Variants in PHKG1 observed in about 807,000 individuals in gnomAD.
PHKG1 encodes the protein phosphorylase b kinase gamma catalytic chain, skeletal muscle/heart isoform.
A neutral mutation model predicts 50.5 loss-of-function variants in PHKG1; 48 were observed. The ratio of observed to expected loss-of-function variants is 0.95; its 90% CI spans 0.75 to 1.21. PHKG1 has a LOEUF of 1.21. Among genes scored for constraint, PHKG1 ranks in the 50% most tolerant of loss-of-function variants. PHKG1 has a pLI of 0.00. For missense variants in PHKG1, 487 were observed against 519.5 expected (o/e 0.94, Z 0.61); for synonymous variants, 204 against 212.8 (o/e 0.96, Z 0.36).
rs777245675 is a variant in PHKG1 at position 56,082,152 on chromosome 7, G to A, written c.638+11C>T. 12 of 1,613,256 alleles carry A rather than the reference G, an allele frequency of 7.4e-6. No individual in the cohort carries two copies. The highest frequency in any genetic ancestry group is 1.3e-5 in the African/African-American group (1 of 75,008). ...CCTAGCTGGGTGCTCCTCCTTTCCC[G>A]GCGCACTCACATGTCCACCTCTTTC... On this transcript the variant is annotated intron_variant, in intron 7 of 9. Transcript: ENST00000297373.
chr7:56,088,355 T>TA (rs1028379142), intron 2 of PHKG1, among the ~76,000 whole-genome samples: 28 of 104,268 alleles, frequency 2.7e-4, no homozygotes, highest in Non-Finnish European at 5.1e-4. Flanking sequence ...CCCCCCTTTT[T>TA]AAAAAAAAAA....
In PHKG1 at chr7:56,081,745, A is replaced by G; in HGVS notation, c.803T>C (p.Phe268Ser). ...SDTVKDLVSRFLVVQPQNRYT... is the reference protein window; with the variant it reads ...SDTVKDLVSRSLVVQPQNRYT... ...GCGGTTCTGGGGTTGCACCACCAGG[A>G]ATCGGGAGACCTGTGAGAGGAGGAG... Residue 268 changes from phenylalanine to serine, a missense_variant, in exon 9 of 10, where the codon TTC becomes TCC. Physicochemically the swap from Phe to Ser is radical, Grantham distance 155. Coordinates refer to ENST00000297373, the MANE Select transcript of PHKG1 (RefSeq NM_006213.5). The surrounding 1 kb of genome is among the most constrained non-coding windows in gnomAD (Gnocchi z 4.6). 6.2e-7 allele frequency: 1 copy of G among 1,613,514 alleles called. No individual in the cohort carries two copies. The highest frequency in any genetic ancestry group is 8.5e-7 in the Non-Finnish European group (1 of 1,179,676).
At position 56,087,586 on chromosome 7, in the gene PHKG1, G is replaced by T; in HGVS notation, c.262+12C>A. 1 of 1,610,466 alleles carries T rather than the reference G, an allele frequency of 6.2e-7. No individual in the cohort carries two copies. On this transcript the variant is annotated intron_variant, in intron 3 of 9. Coordinates refer to ENST00000297373, the MANE Select transcript of PHKG1 (RefSeq NM_006213.5). Reference sequence around the variant, plus strand: ...GGGGCACCCTGCCGTGTGGCTTGGGGCCATCACTCACTGATGTTGGGGTGC... The same window carrying T: ...GGGGCACCCTGCCGTGTGGCTTGGGTCCATCACTCACTGATGTTGGGGTGC...
In PHKG1 at chr7:56,081,902, C is replaced by G. The variant is rs749618495; in HGVS notation, c.783G>C (p.Val261=). Reference sequence around the variant, plus strand: ...TGGCCTGGCCTCTCACCAGGTCCTTCACGGTGTCCGAGTAATCATCCCACT... The same window carrying G: ...TGGCCTGGCCTCTCACCAGGTCCTTGACGGTGTCCGAGTAATCATCCCACT... The part of the protein sequence containing the change: ...SPEWDDYSDT[V]KDLVSRFLVV... The change falls in exon 8 of 10, where the codon GTG becomes GTC. Residue 261 remains valine, a synonymous_variant. Coordinates refer to ENST00000297373, the MANE Select transcript of PHKG1 (RefSeq NM_006213.5). This position sits in a 1 kb window ranked among gnomAD's most constrained non-coding sequence, Gnocchi z 4.6. 1.4e-5 allele frequency: 23 copies of G among 1,613,378 alleles called. No homozygotes were observed. The African/African-American group carries it at 2.9e-4, about 21-fold the overall frequency.
At position 56,087,677 on chromosome 7, in the gene PHKG1, C is replaced by T. The variant is rs56278042; in HGVS notation, c.183G>A (p.Pro61=). ...IDVTGGGSFS[P]EEVRELREAT... Reference sequence around the variant, plus strand: ...CTTCTCGCAGCTCCCGCACCTCCTCCGGGCTGAAGCTGCCTCCACCGGTGA... The same window carrying T: ...CTTCTCGCAGCTCCCGCACCTCCTCTGGGCTGAAGCTGCCTCCACCGGTGA... Residue 61 remains proline, a synonymous_variant, in exon 3 of 10, where the codon CCG becomes CCA. Transcript: ENST00000297373. 2.4e-5 allele frequency: 38 copies of T among 1,613,880 alleles called. No individual in the cohort carries two copies. The highest frequency in any genetic ancestry group is 1.1e-4 in the African/African-American group (8 of 74,934).
At chr7:56,091,394 G>A (rs1399120135) in intron 1 of PHKG1, among the ~76,000 whole-genome samples, 1 of 151,936 alleles carries the variant, frequency 6.6e-6, no homozygotes, top group Non-Finnish European at 1.5e-5. Context: ...GCAGGCACCT[G>A]TAGTCCCAGC....
Position 56,082,081 on chromosome 7 carries a change from C to T in PHKG1, c.639-35G>A, listed in dbSNP as rs373707742. On this transcript the variant is annotated intron_variant, in intron 7 of 9. Coordinates refer to ENST00000297373, the MANE Select transcript of PHKG1 (RefSeq NM_006213.5). ...CGAGGGCCCAGGGCCACTTACCCAGCGCCAGGGGCACCGGCCCAGCCCTGC... is the reference window on the plus strand; with the variant it reads ...CGAGGGCCCAGGGCCACTTACCCAGTGCCAGGGGCACCGGCCCAGCCCTGC... 762 of 1,609,410 alleles carry T rather than the reference C, an allele frequency of 4.7e-4. 2 individuals carry two copies. Among genetic ancestry groups the T allele is most frequent in the Middle Eastern group, 4.3e-3 (26 of 6,042 alleles).
chr7:56,092,309 G>A (rs577322617), intron 1 of PHKG1, among the ~76,000 whole-genome samples: 5 of 152,268 alleles, frequency 3.3e-5, no homozygotes, highest in Admixed American at 2.6e-4. Flanking sequence ...ATCTCGCTCT[G>A]TCGCCCAGGC....
chr7:56,090,432 A>G (rs1281221033), intron 1 of PHKG1, among the ~76,000 whole-genome samples: 1 of 152,122 alleles, frequency 6.6e-6, no homozygotes, highest in Non-Finnish European at 1.5e-5. Context: ...CATGTATTCT[A>G]TCCATAACTG....
chr7:56,087,829 T>C, intron 2 of PHKG1, 53 bp from the exon 3 acceptor site: 1 of 1,458,554 alleles, frequency 6.9e-7, no homozygotes, highest in Non-Finnish European at 9.5e-7. Flanking sequence ...CCATGGGGGG[T>C]CCCAGATTAG....
chr7:56,086,933 C>T, intron 4 of PHKG1, 37 bp downstream of exon 4: 1 of 1,557,848 alleles, frequency 6.4e-7, no homozygotes, highest in Non-Finnish European at 8.9e-7. Context: ...GTCGGAGGTT[C>T]TCTCAGGTGT....
Position 56,087,773 on chromosome 7 carries a change from G to A in PHKG1, c.87C>T (p.Gly29=), listed in dbSNP as rs775045327. The A allele has an allele frequency of 1.4e-5, 22 of 1,610,074 alleles. No individual in the cohort carries two copies. The highest frequency in any genetic ancestry group is 2.2e-5 in the South Asian group (2 of 91,058). ...TGCATCGCCTGACCACACTGCTAAC[G>A]CCCCTGGGAGTGCAGAGGACAGATG... is the stretch of plus-strand genomic sequence containing the variant. The part of the protein sequence containing the change: ...NYEPKEILGR[G]VSSVVRRCIH... Residue 29 remains glycine, a synonymous_variant, in exon 3 of 10, where the codon GGC becomes GGT. Coordinates refer to ENST00000297373, the MANE Select transcript of PHKG1 (RefSeq NM_006213.5).
chr7:56,083,193 G>C, intron 6 of PHKG1, 85 bp downstream of exon 6: 1 of 1,216,428 alleles, frequency 8.2e-7, no homozygotes, highest in Non-Finnish European at 1.2e-6. Flanking sequence ...ATTAAGTTAG[G>C]GGAGAAACCC....
intron 2 of PHKG1, among the ~76,000 whole-genome samples, chr7:56,088,061 A>G (rs1352798517): frequency 3.1e-5 from 3 of 97,880 alleles, no homozygotes; most frequent in Non-Finnish European, 5.5e-5. Flanking sequence ...TTTGAGACGG[A>G]GTCTCGCTCT....
chr7:56,085,974 C>CA (rs34275240), intron 4 of PHKG1, among the ~76,000 whole-genome samples: 107 of 133,258 alleles, frequency 8.0e-4, no homozygotes, highest in Admixed American at 1.4e-3. Flanking sequence ...AACTCTGTCT[C>CA]AAAAAAAAAA....
At chr7:56,091,665 T>C (rs1796497791) in intron 1 of PHKG1, among the ~76,000 whole-genome samples, 1 of 152,340 alleles carries the variant, frequency 6.6e-6, no homozygotes, top group East Asian at 1.9e-4. Flanking sequence ...CCACTGCTTC[T>C]GGGCCTAAGA....
intron 4 of PHKG1, among the ~76,000 whole-genome samples, chr7:56,086,474 G>A (rs1307833413): frequency 2.0e-5 from 3 of 151,956 alleles, no homozygotes; most frequent in Admixed American, 1.3e-4. Context: ...AGAGTTTTGG[G>A]GTTTTTTTTG....
rs757254297 is a variant in PHKG1 at position 56,083,383 on chromosome 7, G to T, written c.442C>A (p.His148Asn). ...ICTLHKLNIV[H>N]RDLKPENILL... ...ATGTTCTCGGGCTTCAGGTCCCGGT[G>T]CACGATGTTGAGTTTGTGCAAGGTG... Residue 148 changes from histidine to asparagine, a missense_variant, in exon 6 of 10, where the codon CAC becomes AAC. His to Asn is a moderately conservative substitution (Grantham distance 68). Coordinates refer to ENST00000297373, the MANE Select transcript of PHKG1 (RefSeq NM_006213.5). 7 of 1,614,028 alleles carry T rather than the reference G, an allele frequency of 4.3e-6. No individual in the cohort carries two copies. In the South Asian group the frequency reaches 5.5e-5, roughly 13 times the overall value.
intron 4 of PHKG1, among the ~76,000 whole-genome samples, chr7:56,086,294 T>C (rs868344350): frequency 6.6e-6 from 1 of 152,052 alleles, no homozygotes; most frequent in South Asian, 2.1e-4. Context: ...TTACTATGTT[T>C]TTCCTATATG....
Sources: allele counts gnomAD v4.1 joint callset (sites outside exome capture counted in the v4.1 genomes callset), GRCh38; gene constraint gnomAD v4.1.1; non-coding constraint Gnocchi (gnomAD v3.1); transcripts MANE v1.5; gene names NCBI Gene and HGNC (gene_info 2026-07-23, HGNC 2026-07-21).